Variants in PBRM1 observed in about 807,000 individuals in gnomAD.
The protein encoded by PBRM1 is protein polybromo-1.
Under a neutral mutation model 194.5 loss-of-function variants are expected in PBRM1, and 27 were observed. That is an observed-to-expected ratio of 0.14 (90% CI 0.10 to 0.19). The LOEUF is 0.19. Ranked by LOEUF, PBRM1 falls within the 10% of genes least tolerant of loss-of-function variation. The pLI, the probability that PBRM1 is intolerant of heterozygous loss-of-function variation, is 1.00. For missense variants in PBRM1, 1,466 were observed against 2,077.2 expected (o/e 0.71, Z 5.72); for synonymous variants, 655 against 693.2 (o/e 0.94, Z 0.87).
At chr3:52,576,197 C>A (rs1482181032) in intron 22 of PBRM1, among the ~76,000 whole-genome samples, 3 of 152,090 alleles carry the variant, frequency 2.0e-5, no homozygotes, top group Admixed American at 2.0e-4. Context: ...CTCCCCAAAT[C>A]TGATGAAAGA....
intron 26 of PBRM1, among the ~76,000 whole-genome samples, chr3:52,556,305 T>C (rs577656043): frequency 4.6e-5 from 7 of 152,096 alleles, no homozygotes; most frequent in Non-Finnish European, 1.0e-4. Context: ...AATCTCTCTA[T>C]ACATAAGATT....
At chr3:52,620,390 T>G (rs1441724668) in intron 13 of PBRM1, among the ~76,000 whole-genome samples, 1 of 152,230 alleles carries the variant, frequency 6.6e-6, no homozygotes, top group Non-Finnish European at 1.5e-5. Flanking sequence ...CAGGACAGGA[T>G]GAAATTAGTC....
chr3:52,579,023 A>G (rs759152929), intron 21 of PBRM1, 31 bp downstream of exon 23: 2 of 1,610,986 alleles, frequency 1.2e-6, no homozygotes, highest in South Asian at 1.1e-5. Context: ...CTCAGATTCA[A>G]CCTCATCTTC....
intron 3 of PBRM1, among the ~76,000 whole-genome samples, chr3:52,663,351 C>T (rs1208624459): frequency 6.6e-6 from 1 of 152,216 alleles, no homozygotes; most frequent in African/African-American, 2.4e-5. Flanking sequence ...AGTTTCTGTA[C>T]TGCCAGGGAG....
chr3:52,603,369 TA>T, intron 17 of PBRM1, 151 bp downstream of exon 19: 2 of 774,902 alleles, frequency 2.6e-6, no homozygotes, highest in Non-Finnish European at 2.0e-6. Context: ...TTGATAACTA[TA>T]AAAATATTTC....
intron 3 of PBRM1, 83 bp from the exon 5 acceptor site, chr3:52,662,359 CA>C: frequency 1.7e-6 from 2 of 1,173,936 alleles, no homozygotes; most frequent in Non-Finnish European, 2.4e-6. Flanking sequence ...CCTGTTTCAG[CA>C]AAGACCAAAA....
At chr3:52,664,728 T>G (rs1406524892) in intron 3 of PBRM1, among the ~76,000 whole-genome samples, 1 of 146,102 alleles carries the variant, frequency 6.8e-6, no homozygotes, top group Non-Finnish European at 1.5e-5. Flanking sequence ...AGCCAGACTC[T>G]ATCACAAAAA....
chr3:52,634,928 T>A, intron 10 of PBRM1, 113 bp from the exon 12 acceptor site: 1 of 747,814 alleles, frequency 1.3e-6, no homozygotes, highest in Non-Finnish European at 2.2e-6. Context: ...TGAAAACTAT[T>A]ATTACTATTA....
intron 20 of PBRM1, 119 bp from the exon 23 acceptor site, chr3:52,579,318 C>T: frequency 1.0e-5 from 9 of 888,622 alleles, no homozygotes; most frequent in South Asian, 1.6e-5. Context: ...CCATTGGTTA[C>T]GTGGCTCACG....
Position 52,579,361 on chromosome 3 carries a change from C to T in PBRM1, c.3388-162G>A, listed in dbSNP as rs571998044. The T allele has an allele frequency of 3.3e-5, 21 of 633,288 alleles. No individual in the cohort carries two copies. The South Asian group carries it at 3.5e-4, about 10-fold the overall frequency. The allele number at this position is 633,288 out of a possible 1,614,324, so 39.2% of individuals were successfully genotyped here. A position where few individuals can be genotyped will look rare whatever the true frequency, so the allele number is the denominator to read the frequency against. On this transcript the variant is annotated intron_variant, in intron 20 of 29. Transcript: ENST00000296302. ...AGCATTTTGGGAGGCCAAGGCAGGA[C>T]GATCGCTTGAGCCCAAGAGTTTGAG...
At chr3:52,547,955 G>A (rs1429504789), downstream of PBRM1, 11 of 859,090 alleles carry the variant, frequency 1.3e-5, no homozygotes, top group Non-Finnish European at 1.8e-5. Flanking sequence ...ACAGTAAAAT[G>A]CAATAAAAAT....
At chr3:52,669,298 G>A (rs998108745) in intron 2 of PBRM1, among the ~76,000 whole-genome samples, 2 of 152,112 alleles carry the variant, frequency 1.3e-5, no homozygotes, top group Non-Finnish European at 2.9e-5. Context: ...TACCTTGCAG[G>A]AGAGGGGTAG....
At chr3:52,683,096 G>A (rs2097236915), upstream of PBRM1, among the ~76,000 whole-genome samples, 1 of 152,018 alleles carries the variant, frequency 6.6e-6, no homozygotes, top group South Asian at 2.1e-4. Flanking sequence ...CCAGCTACTT[G>A]GGAGACTGAG....
intron 15 of PBRM1, among the ~76,000 whole-genome samples, chr3:52,611,056 C>T (rs746534267): frequency 4.1e-4 from 62 of 152,164 alleles, no homozygotes; most frequent in African/African-American, 1.4e-3. Flanking sequence ...CTTAATAATA[C>T]GTACAAACAA....
In PBRM1 at chr3:52,554,836, G is replaced by A. The variant is rs753747419; in HGVS notation, c.4497C>T (p.Gly1499=). Reference sequence around the variant, plus strand: ...CCATGCTAACAAGGCCATCAACTGGGCCCTGCAAAGGTGGAAGGCCTGGCG... The same window carrying A: ...CCATGCTAACAAGGCCATCAACTGGACCCTGCAAAGGTGGAAGGCCTGGCG... Residue 1499 remains glycine, a synonymous_variant, in exon 27 of 30, where the codon GGC becomes GGT. Transcript: ENST00000296302. 3.7e-6 allele frequency: 6 copies of A among 1,600,562 alleles called. No homozygotes were observed. The South Asian group carries it at 4.5e-5, about 12-fold the overall frequency.
Position 52,661,718 on chromosome 3 carries a change from C to T in PBRM1, c.528+415G>A, listed in dbSNP as rs139169428. Among the ~76,000 whole-genome samples the T allele has an allele frequency of 4.0e-3, 614 of 152,314 alleles. 3 individuals carry two copies. Among genetic ancestry groups the T allele is most frequent in the South Asian group, 0.023 (110 of 4,824 alleles). Reference sequence around the variant, plus strand: ...CAAAATTCCAGAGGCAGAAACACACCTGGGAGGTTCTAGGAACAGTAACTA... The same window carrying T: ...CAAAATTCCAGAGGCAGAAACACACTTGGGAGGTTCTAGGAACAGTAACTA... On this transcript the variant is annotated intron_variant, in intron 4 of 29. Transcript: ENST00000296302.
chr3:52,569,304 C>T (rs968136651), intron 22 of PBRM1, among the ~76,000 whole-genome samples: 3 of 151,808 alleles, frequency 2.0e-5, no homozygotes, highest in Non-Finnish European at 4.4e-5. Flanking sequence ...TCCGCCTCCC[C>T]GGTTCACCCC....
At chr3:52,666,963 T>C (rs1400601887) in intron 3 of PBRM1, among the ~76,000 whole-genome samples, 1 of 150,412 alleles carries the variant, frequency 6.6e-6, no homozygotes, top group Non-Finnish European at 1.5e-5. Context: ...ACAGATAAAC[T>C]GGCCTGTGGA....
upstream of PBRM1, chr3:52,682,257 A>C (rs1003917685): frequency 6.6e-6 from 1 of 151,976 alleles, no homozygotes; most frequent in Non-Finnish European, 1.5e-5. Flanking sequence ...AGAATGGCTC[A>C]TGTGAGCAAA....
Sources: allele counts gnomAD v4.1 joint callset (sites outside exome capture counted in the v4.1 genomes callset), GRCh38; gene constraint gnomAD v4.1.1; transcripts MANE v1.5; gene names NCBI Gene and HGNC (gene_info 2026-07-23, HGNC 2026-07-21).